SLC16A9: variants seen among roughly 807,000 people sequenced by gnomAD.
SLC16A9 encodes monocarboxylate transporter 9.
Under a neutral mutation model 44.3 loss-of-function variants are expected in SLC16A9, and 26 were observed. The observed-to-expected ratio is 0.59, with a 90% confidence interval of 0.43 to 0.81. The LOEUF is 0.81. Ranked by LOEUF, SLC16A9 falls within the 40% of genes least tolerant of loss-of-function variation. The probability of loss-of-function intolerance (pLI) is 0.00; values close to 1 mark genes in which losing one functional copy is unlikely to be tolerated. For synonymous variants in SLC16A9, 230 were observed against 225.1 expected, an observed-to-expected ratio of 1.02 and a Z score of -0.19; for missense variants, 559 against 595.8, an observed-to-expected ratio of 0.94 and a Z score of 0.64.
At chr10:59,673,691 C>T (rs1174684103) in intron 2 of SLC16A9, among the ~76,000 whole-genome samples, 2 of 152,276 alleles carry the variant, frequency 1.3e-5, no homozygotes, top group South Asian at 2.1e-4. Flanking sequence ...AGCAAGAAAG[C>T]GGTAGGAACA....
At chr10:59,703,515 CAGGG>C (rs1840570664) in intron 1 of SLC16A9, among the ~76,000 whole-genome samples, 1 of 152,114 alleles carries the variant, frequency 6.6e-6, no homozygotes, top group Admixed American at 6.5e-5. Context: ...AATTTGGATA[CAGGG>C]AGTACTACCA....
intron 2 of SLC16A9, 94 bp from the exon 3 acceptor site, chr10:59,673,007 A>G: frequency 1.7e-6 from 2 of 1,199,272 alleles, no homozygotes; most frequent in Non-Finnish European, 2.3e-6. Context: ...ACAAAAATAA[A>G]ATGCACTGAG....
chr10:59,699,221 G>A (rs139604519), intron 1 of SLC16A9, among the ~76,000 whole-genome samples: 33 of 152,334 alleles, frequency 2.2e-4, no homozygotes, highest in Admixed American at 2.0e-3. Flanking sequence ...GATAATGACT[G>A]TCACCTATTA....
rs531075761 is a variant in SLC16A9 at position 59,706,099 on chromosome 10, T to C, written c.-37+3380A>G. 4.6e-5 allele frequency among the ~76,000 whole-genome samples: 7 copies of C among 152,346 alleles called. 1 individual carries two copies. The South Asian group carries it at 1.2e-3, about 27-fold the overall frequency. The stretch of plus-strand genomic sequence containing the variant: ...TGCTACACCCACCCCACAACTTTTC[T>C]TCACACTTAGCCTTGAATGAACCTC... On this transcript the variant is annotated intron_variant, in intron 1 of 5. Transcript: ENST00000395348.
chr10:59,652,940 A>G lies in SLC16A9; in HGVS notation c.1362T>C (p.Tyr454=). The G allele has an allele frequency of 6.2e-7, 1 of 1,602,122 alleles. No individual in the cohort carries two copies. Among genetic ancestry groups the G allele is most frequent in the Non-Finnish European group, 8.5e-7 (1 of 1,176,496 alleles). The part of the protein sequence containing the change: ...SLGPPIVGWF[Y]DWTQTYDIAF... The stretch of plus-strand genomic sequence containing the variant: ...CAATATCATAGGTCTGGGTCCAGTC[A>G]TAAAACCAACCTGAAAAGGCAGTAA... The change falls in exon 6 of 6, where the codon TAT becomes TAC. Residue 454 remains tyrosine (Y), a synonymous_variant. Transcript: ENST00000395348.
chr10:59,661,087 C>A (rs1210572441), intron 4 of SLC16A9, among the ~76,000 whole-genome samples: 2 of 152,176 alleles, frequency 1.3e-5, no homozygotes, highest in Non-Finnish European at 2.9e-5. Flanking sequence ...CCTTTGAAAA[C>A]CAACACAAGA....
At chr10:59,691,843 T>C (rs528690195) in intron 1 of SLC16A9, among the ~76,000 whole-genome samples, 2 of 152,356 alleles carry the variant, frequency 1.3e-5, no homozygotes, top group East Asian at 3.9e-4. Flanking sequence ...CTGTCAGAAC[T>C]GCAGGTGTGA....
At chr10:59,697,283 A>G (rs2132534152) in intron 1 of SLC16A9, among the ~76,000 whole-genome samples, 1 of 151,302 alleles carries the variant, frequency 6.6e-6, no homozygotes, top group Non-Finnish European at 1.5e-5. Flanking sequence ...GGTTTTGTGG[A>G]ATAGAAAGGG....
intron 3 of SLC16A9, among the ~76,000 whole-genome samples, chr10:59,665,037 AT>A (rs1379850843): frequency 1.2e-4 from 18 of 152,006 alleles, no homozygotes; most frequent in Admixed American, 8.5e-4. Flanking sequence ...ATTTGAAATT[AT>A]TTTATAATTA....
intron 1 of SLC16A9, among the ~76,000 whole-genome samples, chr10:59,705,586 A>G (rs1840619912): frequency 6.6e-6 from 1 of 152,206 alleles, no homozygotes; most frequent in South Asian, 2.1e-4. Context: ...TTGCCCCAGG[A>G]AAGTGGAAGT....
intron 4 of SLC16A9, 104 bp from the exon 5 acceptor site, chr10:59,654,693 T>C (rs1839310120): frequency 3.6e-6 from 3 of 838,504 alleles, no homozygotes; most frequent in African/African-American, 3.4e-5. Flanking sequence ...CATTTATATG[T>C]AACTTCATAT....
At chr10:59,698,060 C>T (rs891550245) in intron 1 of SLC16A9, among the ~76,000 whole-genome samples, 16 of 151,460 alleles carry the variant, frequency 1.1e-4, no homozygotes, top group African/African-American at 3.4e-4. Context: ...ATTGAAGAAT[C>T]TGGAACTTAA....
chr10:59,681,922 TC>T (rs1840035319), intron 2 of SLC16A9, among the ~76,000 whole-genome samples: 1 of 108,600 alleles, frequency 9.2e-6, no homozygotes, highest in Non-Finnish European at 2.1e-5. Context: ...TATTTAGCCA[TC>T]CTTTTTTTTT....
chr10:59,700,715 T>G (rs1331271913), intron 1 of SLC16A9, among the ~76,000 whole-genome samples: 1 of 152,198 alleles, frequency 6.6e-6, no homozygotes, highest in Non-Finnish European at 1.5e-5. Context: ...CTACCTCTGC[T>G]TCCTCACCTT....
chr10:59,651,193 C>T lies in SLC16A9; in HGVS notation c.*1579G>A, dbSNP rs950234136. The T allele has an allele frequency of 6.6e-6, 1 of 152,084 alleles. No homozygotes were observed. The highest frequency in any genetic ancestry group is 1.5e-5 in the Non-Finnish European group (1 of 68,010). 9.4% of individuals were successfully genotyped at this position (152,084 alleles called of 1,614,324 possible). On this transcript the variant is annotated 3_prime_UTR_variant, in exon 6 of 6. Coordinates refer to ENST00000395348, the MANE Select transcript of SLC16A9 (RefSeq NM_194298.3). ...TACATAGAAAAGTACTATTTACCTA[C>T]CTCACAGAGGTATTGTGAGGATTTG...
intron 2 of SLC16A9, among the ~76,000 whole-genome samples, chr10:59,679,897 C>T (rs1180777261): frequency 6.6e-6 from 1 of 152,236 alleles, no homozygotes; most frequent in Non-Finnish European, 1.5e-5. Context: ...TCTGGCCCAT[C>T]TCAATAGCTT....
chr10:59,668,329 CCT>C (rs1290909698), intron 3 of SLC16A9, among the ~76,000 whole-genome samples: 43 of 152,130 alleles, frequency 2.8e-4, no homozygotes, highest in African/African-American at 1.0e-3. Context: ...CTATCTTGCG[CCT>C]CTGAGTACTT....
intron 2 of SLC16A9, among the ~76,000 whole-genome samples, chr10:59,681,783 G>GTATATGTAT (rs1337162927): frequency 2.0e-4 from 1 of 5,100 alleles, no homozygotes; most frequent in African/African-American, 2.5e-4. Context: ...ATATGTATAT[G>GTATATGTAT]ATGTATATGT....
chr10:59,709,494 G>C lies in SLC16A9; in HGVS notation c.-52C>G, dbSNP rs1368258260. On this transcript the variant is annotated 5_prime_UTR_variant, in exon 1 of 6. Transcript: ENST00000395348. Reference sequence around the variant, plus strand: ...AGCCCTTTACCTGAGTCCCGGCCTCGGCGGGGCCTCCGGTGCTCAGCACCC... The same window carrying C: ...AGCCCTTTACCTGAGTCCCGGCCTCCGCGGGGCCTCCGGTGCTCAGCACCC... 1 of 152,328 alleles carries C rather than the reference G, an allele frequency of 6.6e-6. No homozygotes were observed. The highest frequency in any genetic ancestry group is 1.5e-5 in the Non-Finnish European group (1 of 68,192). 9.4% of individuals were successfully genotyped at this position (152,328 alleles called of 1,614,324 possible).
Sources: allele counts gnomAD v4.1 joint callset (sites outside exome capture counted in the v4.1 genomes callset), GRCh38; gene constraint gnomAD v4.1.1; transcripts MANE v1.5; gene names NCBI Gene and HGNC (gene_info 2026-07-23, HGNC 2026-07-21).